The following SEMA5A variants were observed in gnomAD, a reference collection of about 807,000 sequenced individuals.
SEMA5A encodes the protein semaphorin-5A.
In SEMA5A, 55 loss-of-function variants were observed where a neutral mutation model predicts 135.5. That is an observed-to-expected ratio of 0.41 (90% CI 0.33 to 0.51). The LOEUF (loss-of-function observed/expected upper bound fraction) is 0.51. Among genes scored for constraint, SEMA5A ranks in the 20% least tolerant of loss-of-function variants. The pLI is 0.37. For missense variants in SEMA5A, 1,290 were observed against 1,419.9 expected (o/e 0.91, Z 1.47); for synonymous variants, 580 against 546.5 (o/e 1.06, Z -0.85).
intron 5 of SEMA5A, among the ~76,000 whole-genome samples, chr5:9,257,809 G>A (rs1184234559): frequency 6.6e-6 from 1 of 152,088 alleles, no homozygotes; most frequent in African/African-American, 2.4e-5. Context: ...GGCATCCATG[G>A]GAGGGTTCAG....
At chr5:9,301,066 TTCTC>T (rs1751588810) in intron 5 of SEMA5A, among the ~76,000 whole-genome samples, 1 of 152,216 alleles carries the variant, frequency 6.6e-6, no homozygotes, top group Admixed American at 6.5e-5. Context: ...ACAACTTATA[TTCTC>T]TCTAATGGCC....
intron 5 of SEMA5A, among the ~76,000 whole-genome samples, chr5:9,314,126 T>G (rs184202943): frequency 1.4e-3 from 209 of 152,288 alleles, no homozygotes; most frequent in Non-Finnish European, 2.4e-3. Flanking sequence ...TTTTTAACTT[T>G]GGAGAGAGAA....
intron 5 of SEMA5A, among the ~76,000 whole-genome samples, chr5:9,264,754 G>T (rs1579743811): frequency 6.6e-6 from 1 of 152,136 alleles, no homozygotes; most frequent in African/African-American, 2.4e-5. Flanking sequence ...GCACATCTCT[G>T]TTTTATAATT....
chr5:9,244,354 C>T (rs765443813), intron 5 of SEMA5A, among the ~76,000 whole-genome samples: 15 of 152,134 alleles, frequency 9.9e-5, no homozygotes, highest in South Asian at 2.1e-4. Flanking sequence ...CATTCTTTTA[C>T]GGGTGGCATG....
intron 2 of SEMA5A, among the ~76,000 whole-genome samples, chr5:9,425,132 C>T (rs1757600218): frequency 6.6e-6 from 1 of 152,224 alleles, no homozygotes; most frequent in Non-Finnish European, 1.5e-5. Context: ...TGTCCCTTTC[C>T]CCACTACACA....
intron 5 of SEMA5A, among the ~76,000 whole-genome samples, chr5:9,272,092 C>A (rs1197664526): frequency 6.6e-6 from 1 of 152,082 alleles, no homozygotes. Flanking sequence ...CCCCACAGAG[C>A]TCAGCAACCT....
Position 9,202,249 on chromosome 5 carries a change from A to G in SEMA5A, c.647-9T>C. ...TGACACAAAGTTTGGCTCTGGAAACAATAGAAAAGAGGGAAAAAATCTCAA... is the reference window on the plus strand; with the variant it reads ...TGACACAAAGTTTGGCTCTGGAAACGATAGAAAAGAGGGAAAAAATCTCAA... On this transcript the variant is annotated splice_polypyrimidine_tract_variant and intron_variant, in intron 8 of 22. Coordinates refer to ENST00000382496, the MANE Select transcript of SEMA5A (RefSeq NM_003966.3). 2.5e-6 allele frequency: 4 copies of G among 1,608,554 alleles called. No individual in the cohort carries two copies. The African/African-American group carries it at 4.0e-5, about 16-fold the overall frequency.
chr5:9,485,546 A>G (rs1486974975), intron 1 of SEMA5A, among the ~76,000 whole-genome samples: 1 of 152,218 alleles, frequency 6.6e-6, no homozygotes, highest in Non-Finnish European at 1.5e-5. Flanking sequence ...GTGCTGAACA[A>G]AGAGTGCCTG....
intron 5 of SEMA5A, among the ~76,000 whole-genome samples, chr5:9,262,954 C>T (rs142347352): frequency 0.017 from 2,190 of 125,284 alleles, 73 homozygotes; most frequent in African/African-American, 0.06. Flanking sequence ...AAAATATTTT[C>T]GAAAAAATAA....
chr5:9,182,028 G>A (rs1265314559), intron 11 of SEMA5A, among the ~76,000 whole-genome samples: 1 of 151,906 alleles, frequency 6.6e-6, no homozygotes, highest in African/African-American at 2.4e-5. Context: ...TAATGGACCT[G>A]TTTCTCTCCG....
chr5:9,138,127 C>T (rs1302891366), intron 12 of SEMA5A, among the ~76,000 whole-genome samples: 1 of 152,090 alleles, frequency 6.6e-6, no homozygotes, highest in African/African-American at 2.4e-5. Context: ...GGTTGGGGTA[C>T]AAAAATGTAT....
intron 5 of SEMA5A, among the ~76,000 whole-genome samples, chr5:9,264,685 A>G (rs1749587701): frequency 6.6e-6 from 1 of 152,292 alleles, no homozygotes; most frequent in South Asian, 2.1e-4. Flanking sequence ...CCAGCGGGTT[A>G]ATGTTCAGTT....
intron 3 of SEMA5A, among the ~76,000 whole-genome samples, chr5:9,369,009 G>A (rs1240375127): frequency 6.6e-6 from 1 of 152,134 alleles, no homozygotes; most frequent in Non-Finnish European, 1.5e-5. Flanking sequence ...TCATCATCCT[G>A]CATTATTAAC....
intron 13 of SEMA5A, among the ~76,000 whole-genome samples, chr5:9,129,582 G>A (rs1040120436): frequency 3.3e-5 from 5 of 152,154 alleles, no homozygotes; most frequent in Admixed American, 6.5e-5. Context: ...ATATGAATAG[G>A]TATTTTTATA....
chr5:9,315,379 TAC>T (rs1752345480), intron 5 of SEMA5A, among the ~76,000 whole-genome samples: 3 of 152,214 alleles, frequency 2.0e-5, no homozygotes, highest in Non-Finnish European at 2.9e-5. Context: ...TCTCCTATAT[TAC>T]AGTTATCAAA....
intron 3 of SEMA5A, among the ~76,000 whole-genome samples, chr5:9,364,627 C>A (rs1000773673): frequency 3.3e-5 from 5 of 152,092 alleles, no homozygotes; most frequent in Non-Finnish European, 5.9e-5. Flanking sequence ...ATAAGAAGGA[C>A]AAATTATTGT....
intron 10 of SEMA5A, among the ~76,000 whole-genome samples, chr5:9,191,631 GAT>G (rs1745118325): frequency 3.5e-4 from 1 of 2,824 alleles, no homozygotes; most frequent in South Asian, 0.12. Context: ...TTGAAAAGTA[GAT>G]GAGATATTTG....
chr5:9,450,030 C>T (rs1382424087), intron 1 of SEMA5A, among the ~76,000 whole-genome samples: 1 of 152,170 alleles, frequency 6.6e-6, no homozygotes, highest in East Asian at 1.9e-4. Context: ...CCTGTTCATG[C>T]TCATAAAAGC....
chr5:9,153,880 T>A (rs922091193), intron 12 of SEMA5A, among the ~76,000 whole-genome samples: 2 of 150,754 alleles, frequency 1.3e-5, no homozygotes, highest in African/African-American at 4.9e-5. Flanking sequence ...ACCCTGTCTC[T>A]ACTAAAAATA....
Sources: allele counts gnomAD v4.1 joint callset (sites outside exome capture counted in the v4.1 genomes callset), GRCh38; gene constraint gnomAD v4.1.1; transcripts MANE v1.5; gene names NCBI Gene and HGNC (gene_info 2026-07-23, HGNC 2026-07-21).